NTM: variants seen among roughly 807,000 people sequenced by gnomAD.
NTM encodes the protein neurotrimin, also known as IgLON family member 2.
NTM carries 13 observed loss-of-function variants against 42.1 expected under a neutral mutation model. The ratio of observed to expected loss-of-function variants is 0.31; its 90% CI spans 0.20 to 0.49. The LOEUF (loss-of-function observed/expected upper bound fraction) is 0.49. NTM is among the 20% of genes least tolerant of loss of function. The pLI is 0.99. For missense variants in NTM, 373 were observed against 452.8 expected, an observed-to-expected ratio of 0.82 and a Z score of 1.60; for synonymous variants, 187 against 179.2, an observed-to-expected ratio of 1.04 and a Z score of -0.35.
chr11:131,910,800 G>A (rs1260005726), intron 1 of NTM: 3 of 983,218 alleles, frequency 3.1e-6, no homozygotes, highest in South Asian at 4.7e-5. Flanking sequence ...CTGCCCCGCC[G>A]AGCCCCGCCG....
chr11:132,261,893 G>C (rs2092880998), intron 4 of NTM, among the ~76,000 whole-genome samples: 1 of 152,220 alleles, frequency 6.6e-6, no homozygotes, highest in South Asian at 2.1e-4. Flanking sequence ...ATAAAGCCAA[G>C]GTGGGTGACT....
intron 3 of NTM, among the ~76,000 whole-genome samples, chr11:132,179,716 A>G (rs2077286531): frequency 6.6e-6 from 1 of 152,198 alleles, no homozygotes; most frequent in African/African-American, 2.4e-5. Context: ...GCCTAAATGT[A>G]GATAATTAGC....
chr11:131,584,719 C>T (rs1265462801), intron 1 of NTM, among the ~76,000 whole-genome samples: 2 of 152,220 alleles, frequency 1.3e-5, no homozygotes, highest in Non-Finnish European at 2.9e-5. Context: ...AGATTACAGC[C>T]TGTGTCAATC....
chr11:132,111,062 T>A, intron 2 of NTM, among the ~76,000 whole-genome samples: 1 of 45,380 alleles, frequency 2.2e-5, no homozygotes, highest in African/African-American at 9.1e-5. Flanking sequence ...AGGCCCTATC[T>A]CAAAAAAAAA....
At chr11:131,988,296 G>A (rs2066419735) in intron 2 of NTM, among the ~76,000 whole-genome samples, 1 of 152,158 alleles carries the variant, frequency 6.6e-6, no homozygotes, top group South Asian at 2.1e-4. Flanking sequence ...CATTCAGACT[G>A]TAGCATTGAA....
At chr11:132,162,201 G>GT (rs1555292493) in intron 3 of NTM, among the ~76,000 whole-genome samples, 2 of 150,624 alleles carry the variant, frequency 1.3e-5, no homozygotes, top group African/African-American at 4.9e-5. Flanking sequence ...GTGTATGTGG[G>GT]GGAAGATGTG....
chr11:131,633,766 C>CCTCTCTCTCT (rs1238243158), intron 1 of NTM, among the ~76,000 whole-genome samples: 2,395 of 39,650 alleles, frequency 0.06, 157 homozygotes, highest in African/African-American at 0.14. Context: ...CCTCTCTCTC[C>CCTCTCTCTCT]CTCTCTCTCT....
chr11:131,505,563 G>T (rs1316374452), intron 1 of NTM, among the ~76,000 whole-genome samples: 2 of 152,140 alleles, frequency 1.3e-5, no homozygotes, highest in Non-Finnish European at 1.5e-5. Flanking sequence ...CCTAAACTGG[G>T]TGCATAATTT....
At chr11:131,750,135 C>T (rs7102954) in intron 1 of NTM, among the ~76,000 whole-genome samples, 30,447 of 152,132 alleles carry the variant, frequency 0.2, 4,529 homozygotes, top group African/African-American at 0.42. Context: ...CATCCCCTAA[C>T]GTTATCATTT....
intron 1 of NTM, among the ~76,000 whole-genome samples, chr11:131,793,664 C>A (rs2091223267): frequency 6.6e-6 from 1 of 152,144 alleles, no homozygotes; most frequent in Non-Finnish European, 1.5e-5. Context: ...TCCTTTAGAC[C>A]ACTGGAAACC....
At chr11:132,229,742 C>T (rs2087097693) in intron 4 of NTM, among the ~76,000 whole-genome samples, 1 of 152,062 alleles carries the variant, frequency 6.6e-6, no homozygotes, top group African/African-American at 2.4e-5. Flanking sequence ...TGTTATATGG[C>T]CCAGAGCCTG....
intron 2 of NTM, among the ~76,000 whole-genome samples, chr11:131,951,386 A>G (rs1474920120): frequency 6.6e-6 from 1 of 152,136 alleles, no homozygotes; most frequent in African/African-American, 2.4e-5. Flanking sequence ...AGGCCTATGA[A>G]AAGCTGGTTT....
At chr11:132,038,324 T>C (rs911272826) in intron 2 of NTM, among the ~76,000 whole-genome samples, 3 of 152,198 alleles carry the variant, frequency 2.0e-5, no homozygotes, top group Non-Finnish European at 2.9e-5. Flanking sequence ...TGGCCCCGGC[T>C]GTGTGTTGTA....
intron 1 of NTM, among the ~76,000 whole-genome samples, chr11:131,541,087 C>T (rs79927857): frequency 0.024 from 3,703 of 152,286 alleles, 153 homozygotes; most frequent in African/African-American, 0.084. Flanking sequence ...AATCAATCCC[C>T]GTGCTTCTTC....
At chr11:132,236,266 A>C (rs2139122819) in intron 4 of NTM, among the ~76,000 whole-genome samples, 1 of 152,308 alleles carries the variant, frequency 6.6e-6, no homozygotes, top group Middle Eastern at 3.4e-3. Flanking sequence ...AAGAACATTG[A>C]AGCTCAGAGA....
At chr11:132,205,855 T>G (rs1318243219) in intron 3 of NTM, among the ~76,000 whole-genome samples, 1 of 152,190 alleles carries the variant, frequency 6.6e-6, no homozygotes, top group Non-Finnish European at 1.5e-5. Flanking sequence ...TCTTCCTGGA[T>G]GTCCCTCATC....
At position 131,916,747 on chromosome 11, in the gene NTM, C is replaced by T. The variant is rs1048494333; in HGVS notation, c.167+5099C>T. The stretch of plus-strand genomic sequence containing the variant: ...CCTCCTCCAGGCTTGCCTCCTAATC[C>T]GCAGCACATGGCTTGGCCTGTGGAA... On this transcript the variant is annotated intron_variant, in intron 2 of 8. Coordinates refer to ENST00000683400, the MANE Select transcript of NTM (RefSeq NM_001352005.2). 9.2e-5 allele frequency among the ~76,000 whole-genome samples: 14 copies of T among 152,318 alleles called. No individual in the cohort carries two copies. The East Asian group carries it at 1.2e-3, about 13-fold the overall frequency.
intron 2 of NTM, among the ~76,000 whole-genome samples, chr11:132,069,019 AT>A (rs2056950931): frequency 6.6e-6 from 1 of 152,260 alleles, no homozygotes; most frequent in Non-Finnish European, 1.5e-5. Context: ...CTAACTGGGC[AT>A]TGCAGCCTAG....
chr11:131,931,450 T>A (rs570435302), intron 2 of NTM, among the ~76,000 whole-genome samples: 1,730 of 146,154 alleles, frequency 0.012, 24 homozygotes, highest in African/African-American at 0.038. Context: ...AAAAAAAAAA[T>A]AATAATAATA....
Sources: allele counts gnomAD v4.1 joint callset (sites outside exome capture counted in the v4.1 genomes callset), GRCh38; gene constraint gnomAD v4.1.1; transcripts MANE v1.5; gene names NCBI Gene and HGNC (gene_info 2026-07-23, HGNC 2026-07-21).